The following CFAP20DC variants were observed in gnomAD, a reference collection of about 807,000 sequenced individuals.
CFAP20DC encodes the protein CFAP20 domain containing.
In CFAP20DC, 84 loss-of-function variants were observed where a neutral mutation model predicts 101.7. The ratio of observed to expected loss-of-function variants is 0.83; its 90% CI spans 0.69 to 0.99. The LOEUF is 0.99. Among genes scored for constraint, CFAP20DC ranks in the 50% least tolerant of loss-of-function variants. CFAP20DC has a pLI of 0.00. For missense variants in CFAP20DC, 1,007 were observed against 970.3 expected (o/e 1.04, Z -0.50); for synonymous variants, 359 against 351.2 (o/e 1.02, Z -0.25).
chr3:58,788,419 A>G lies in CFAP20DC; in HGVS notation c.2237+17976T>C, dbSNP rs1486590614. On this transcript the variant is annotated intron_variant, in intron 15 of 16. Coordinates refer to ENST00000482387, the MANE Select transcript of CFAP20DC (RefSeq NM_001394063.1). This position sits in a 1 kb window ranked among gnomAD's most constrained non-coding sequence, Gnocchi z 4.2. ...TCTAATGTGGACAGCGCTGTATGAG[A>G]AGTAATGGGGAGCAAATGGGGAATC... 3.3e-5 allele frequency among the ~76,000 whole-genome samples: 5 copies of G among 152,136 alleles called. No individual in the cohort carries two copies. In the East Asian group the frequency reaches 9.6e-4, roughly 29 times the overall value.
At chr3:58,937,228 C>G (rs1454155144) in intron 5 of CFAP20DC, among the ~76,000 whole-genome samples, 2 of 152,166 alleles carry the variant, frequency 1.3e-5, no homozygotes, top group Non-Finnish European at 2.9e-5. Flanking sequence ...CGGAGGTTAC[C>G]TCTTTCCAGC....
intron 15 of CFAP20DC, among the ~76,000 whole-genome samples, chr3:58,803,756 C>T (rs980877640): frequency 6.6e-6 from 1 of 152,278 alleles, no homozygotes; most frequent in Non-Finnish European, 1.5e-5. Context: ...TGGTAGATAA[C>T]TTGCTGGTAA....
downstream of CFAP20DC, among the ~76,000 whole-genome samples, chr3:58,717,082 G>A (rs938630913): frequency 2.0e-5 from 3 of 151,922 alleles, no homozygotes; most frequent in Non-Finnish European, 4.4e-5. This position sits in a 1 kb window ranked among gnomAD's most constrained non-coding sequence, Gnocchi z 4.1. Context: ...TTATCAATCA[G>A]TCAAGAGTAG....
chr3:58,858,226 C>T (rs1181603988), intron 12 of CFAP20DC, among the ~76,000 whole-genome samples: 3 of 151,996 alleles, frequency 2.0e-5, no homozygotes, highest in South Asian at 2.1e-4. Flanking sequence ...TCTCTTGAAC[C>T]GTTTGTCTTC....
At chr3:58,744,658 T>C (rs2068072232) in intron 16 of CFAP20DC, among the ~76,000 whole-genome samples, 1 of 152,088 alleles carries the variant, frequency 6.6e-6, no homozygotes, top group Admixed American at 6.6e-5. Context: ...GCAGCCCTTC[T>C]GGATTCAAGC....
chr3:58,797,223 C>T (rs1408606835), intron 15 of CFAP20DC, among the ~76,000 whole-genome samples: 1 of 152,168 alleles, frequency 6.6e-6, no homozygotes, highest in African/African-American at 2.4e-5. Context: ...AGCTAGGCCT[C>T]TTGCACCAAA....
At chr3:58,924,208 A>T (rs2085700342) in intron 5 of CFAP20DC, among the ~76,000 whole-genome samples, 1 of 152,028 alleles carries the variant, frequency 6.6e-6, no homozygotes, top group South Asian at 2.1e-4. Context: ...CCAATAGGTA[A>T]TTTTTCAACC....
intron 4 of CFAP20DC, among the ~76,000 whole-genome samples, chr3:58,948,866 A>T (rs369475429): frequency 6.6e-6 from 1 of 152,182 alleles, no homozygotes; most frequent in East Asian, 1.9e-4. Context: ...AAGGAATGGT[A>T]CCAGCTCCTC....
intron 5 of CFAP20DC, among the ~76,000 whole-genome samples, chr3:58,933,709 G>T (rs945692444): frequency 5.9e-5 from 9 of 151,674 alleles, no homozygotes; most frequent in African/African-American, 2.2e-4. Flanking sequence ...AAATAAAGAT[G>T]TTCTTTGAAA....
At chr3:58,817,756 C>G (rs538564232) in intron 14 of CFAP20DC, among the ~76,000 whole-genome samples, 40 of 152,082 alleles carry the variant, frequency 2.6e-4, no homozygotes, top group African/African-American at 8.9e-4. Context: ...TCTAGAAAGG[C>G]AGGCCAACGT....
intron 15 of CFAP20DC, among the ~76,000 whole-genome samples, chr3:58,786,227 T>C (rs1462855349): frequency 6.6e-6 from 1 of 152,180 alleles, no homozygotes; most frequent in Non-Finnish European, 1.5e-5. Context: ...CGTGGTGATA[T>C]CTTTGAAAAC....
At chr3:58,860,055 T>G (rs1289011059) in intron 12 of CFAP20DC, among the ~76,000 whole-genome samples, 4 of 151,240 alleles carry the variant, frequency 2.6e-5, no homozygotes, top group Non-Finnish European at 1.5e-5. Flanking sequence ...TGTGTACCTG[T>G]AATCCCAGCT....
At chr3:58,747,337 C>G (rs927768401) in intron 16 of CFAP20DC, among the ~76,000 whole-genome samples, 1 of 152,156 alleles carries the variant, frequency 6.6e-6, no homozygotes, top group Non-Finnish European at 1.5e-5. Context: ...CTGGGTAGAT[C>G]AGCTCGGGTA....
Position 59,001,760 on chromosome 3 carries a change from G to A in CFAP20DC, c.278+37797C>T, listed in dbSNP as rs2093318392. Reference sequence around the variant, plus strand: ...GCACAGACAACCTTTTTCTAATCTCGCAAAAGCAGGGAATTAGCCAGGCAG... The same window carrying A: ...GCACAGACAACCTTTTTCTAATCTCACAAAAGCAGGGAATTAGCCAGGCAG... On this transcript the variant is annotated intron_variant, in intron 4 of 16. Transcript: ENST00000482387. The surrounding 1 kb of genome is among the most constrained non-coding windows in gnomAD (Gnocchi z 4.5). Among the ~76,000 whole-genome samples the A allele has an allele frequency of 1.3e-5, 2 of 152,026 alleles. No homozygotes were observed. The highest frequency in any genetic ancestry group is 2.1e-4 in the South Asian group (1 of 4,810).
intron 3 of CFAP20DC, among the ~76,000 whole-genome samples, chr3:59,041,311 T>C (rs1417062229): frequency 2.6e-5 from 4 of 151,984 alleles, no homozygotes; most frequent in African/African-American, 9.7e-5. Context: ...GTTCTTACCC[T>C]CAAAAAAAGA....
rs115515555 is a variant in CFAP20DC at position 58,796,899 on chromosome 3, T to C, written c.2237+9496A>G. Among the ~76,000 whole-genome samples the C allele has an allele frequency of 4.6e-3, 708 of 152,346 alleles. 5 individuals are homozygous for C. The highest frequency in any genetic ancestry group is 0.017 in the African/African-American group (692 of 41,580). ...TTACGGTGATACGTGACAGTGATCT[T>C]TGATGTTACTATCAAATTGTTTTGG... On this transcript the variant is annotated intron_variant, in intron 15 of 16. Coordinates refer to ENST00000482387, the MANE Select transcript of CFAP20DC (RefSeq NM_001394063.1).
chr3:58,838,038 G>C (rs571520360), intron 13 of CFAP20DC, among the ~76,000 whole-genome samples: 1 of 152,158 alleles, frequency 6.6e-6, no homozygotes, highest in East Asian at 1.9e-4. Context: ...TGACTCATTG[G>C]GGATGTAGGT....
At chr3:58,755,111 A>G (rs1213170993) in intron 15 of CFAP20DC, among the ~76,000 whole-genome samples, 1 of 152,136 alleles carries the variant, frequency 6.6e-6, no homozygotes, top group African/African-American at 2.4e-5. Flanking sequence ...CTTACAAACT[A>G]TTTGCTTTTC....
rs1157247646 is a variant in CFAP20DC at position 58,849,240 on chromosome 3, T to G, written c.1763A>C (p.Glu588Ala). Residue 588 changes from glutamate (E) to alanine (A), a missense_variant, in exon 13 of 17, where the codon GAG (glutamate) becomes GCG (alanine). Transcript: ENST00000482387. Reference sequence around the variant, plus strand: ...TTCAAAGTTATTTCTATCTATTTGCTCCATCGAGGAATCCTGGCTTTCTGT... The same window carrying G: ...TTCAAAGTTATTTCTATCTATTTGCGCCATCGAGGAATCCTGGCTTTCTGT... ...GATESQDSSM[E>A]QIDRNNFEMS... The G allele has an allele frequency of 6.5e-6, 10 of 1,535,968 alleles. No individual in the cohort carries two copies. Among genetic ancestry groups the G allele is most frequent in the Non-Finnish European group, 8.7e-6 (10 of 1,146,900 alleles).
Sources: allele counts gnomAD v4.1 joint callset (sites outside exome capture counted in the v4.1 genomes callset), GRCh38; gene constraint gnomAD v4.1.1; non-coding constraint Gnocchi (gnomAD v3.1); transcripts MANE v1.5; gene names NCBI Gene and HGNC (gene_info 2026-07-23, HGNC 2026-07-21).